RPS6KC1: variants seen among roughly 807,000 people sequenced by gnomAD.
The protein encoded by RPS6KC1 is inactive ribosomal protein S6 kinase delta-1.
RPS6KC1 carries 54 observed loss-of-function variants against 103.8 expected under a neutral mutation model. The ratio of observed to expected loss-of-function variants is 0.52; its 90% confidence interval spans 0.42 to 0.65. The LOEUF (loss-of-function observed/expected upper bound fraction) is 0.65, where lower values mean the gene tolerates loss of function less well. Ranked by LOEUF, RPS6KC1 falls within the 30% of genes least tolerant of loss-of-function variation. RPS6KC1 has a pLI of 0.00. For missense variants in RPS6KC1, 1,151 were observed against 1,253.8 expected (o/e 0.92, Z 1.24); for synonymous variants, 439 against 438.7 (o/e 1.00, Z -0.01).
intron 6 of RPS6KC1, among the ~76,000 whole-genome samples, chr1:213,137,490 C>A (rs1293976525): frequency 1.3e-5 from 2 of 151,572 alleles, no homozygotes; most frequent in East Asian, 1.9e-4. Flanking sequence ...TGTGCCACCA[C>A]GCCTGGCTAA....
intron 2 of RPS6KC1, among the ~76,000 whole-genome samples, chr1:213,075,463 A>G (rs2079248467): frequency 1.3e-5 from 2 of 152,168 alleles, no homozygotes; most frequent in African/African-American, 4.8e-5. Flanking sequence ...ATTACTGCCT[A>G]TCTGCTACTG....
the RPS6KC1 span, among the ~76,000 whole-genome samples, chr1:213,643,080 C>T: frequency 1.3e-4 from 20 of 151,708 alleles, no homozygotes; most frequent in African/African-American, 4.6e-4. Flanking sequence ...GGTTTTCTAA[C>T]CTAATTTAAT....
chr1:213,564,106 C>A, the RPS6KC1 span, among the ~76,000 whole-genome samples: 1 of 151,574 alleles, frequency 6.6e-6, no homozygotes, highest in African/African-American at 2.4e-5. Context: ...AAAGTCTTAA[C>A]TTACCTATAT....
At chr1:213,280,077 G>A in the RPS6KC1 span, among the ~76,000 whole-genome samples, 1 of 152,114 alleles carries the variant, frequency 6.6e-6, no homozygotes, top group Non-Finnish European at 1.5e-5. Context: ...GACATTTTCA[G>A]TGTTTATCAT....
At chr1:213,486,436 G>T in the RPS6KC1 span, among the ~76,000 whole-genome samples, 6 of 151,990 alleles carry the variant, frequency 3.9e-5, no homozygotes, top group African/African-American at 1.5e-4. Context: ...TTACCTAAGG[G>T]ACCAATGAGG....
the RPS6KC1 span, among the ~76,000 whole-genome samples, chr1:213,531,917 C>A: frequency 2.6e-5 from 4 of 152,168 alleles, no homozygotes; most frequent in Non-Finnish European, 4.4e-5. Context: ...GACCAAATCT[C>A]CCTAAGTTCT....
chr1:213,549,087 G>A, the RPS6KC1 span, among the ~76,000 whole-genome samples: 1 of 152,178 alleles, frequency 6.6e-6, no homozygotes, highest in Non-Finnish European at 1.5e-5. Flanking sequence ...CCCAGTGGGA[G>A]TCCCCCAAAG....
the RPS6KC1 span, among the ~76,000 whole-genome samples, chr1:213,573,187 A>G: frequency 6.6e-6 from 1 of 152,192 alleles, no homozygotes; most frequent in Non-Finnish European, 1.5e-5. Flanking sequence ...TCAATAAGAA[A>G]CAGACCTTTC....
At chr1:213,230,749 CG>C (rs1389967040) in intron 9 of RPS6KC1, among the ~76,000 whole-genome samples, 1 of 149,660 alleles carries the variant, frequency 6.7e-6, no homozygotes, top group Non-Finnish European at 1.5e-5. Context: ...GCAGGAGAAT[CG>C]CTTGAACCCA....
chr1:213,259,956 C>T (rs1474916833), intron 12 of RPS6KC1, among the ~76,000 whole-genome samples: 2 of 152,008 alleles, frequency 1.3e-5, no homozygotes, highest in African/African-American at 4.8e-5. Context: ...CCAGGCTGGT[C>T]CTGAACCTCT....
the RPS6KC1 span, among the ~76,000 whole-genome samples, chr1:213,618,656 G>A: frequency 1.3e-5 from 2 of 152,244 alleles, no homozygotes; most frequent in East Asian, 3.9e-4. Flanking sequence ...ATTTCATTTG[G>A]GTTAATATCA....
At chr1:213,419,273 A>G in the RPS6KC1 span, among the ~76,000 whole-genome samples, 1 of 152,206 alleles carries the variant, frequency 6.6e-6, no homozygotes, top group East Asian at 1.9e-4. Context: ...AGTTATCCAC[A>G]TTGTCCGGTT....
chr1:213,389,515 C>T, the RPS6KC1 span, among the ~76,000 whole-genome samples: 9 of 152,294 alleles, frequency 5.9e-5, no homozygotes, highest in Admixed American at 1.3e-4. Context: ...CGTGCACATG[C>T]GTGTGGACAT....
intron 3 of RPS6KC1, among the ~76,000 whole-genome samples, chr1:213,085,707 AG>A (rs201760111): frequency 0.013 from 1,929 of 152,024 alleles, 45 homozygotes; most frequent in African/African-American, 0.044. Flanking sequence ...GTATCTATAG[AG>A]CTGTGTATCT....
intron 1 of RPS6KC1, among the ~76,000 whole-genome samples, chr1:213,057,217 A>C (rs542236430): frequency 6.6e-6 from 1 of 152,272 alleles, no homozygotes; most frequent in African/African-American, 2.4e-5. Context: ...CTGGGATTAC[A>C]GGCGTGAGCC....
chr1:213,639,830 G>T, the RPS6KC1 span, among the ~76,000 whole-genome samples: 2 of 150,202 alleles, frequency 1.3e-5, no homozygotes, highest in African/African-American at 2.4e-5. Flanking sequence ...TTTCATCTCT[G>T]TTCATGAGGA....
chr1:213,307,237 G>A, the RPS6KC1 span, among the ~76,000 whole-genome samples: 4 of 151,904 alleles, frequency 2.6e-5, no homozygotes, highest in Non-Finnish European at 5.9e-5. Context: ...CTAATTTTTT[G>A]TATTTTTAGT....
chr1:213,465,388 G>T, the RPS6KC1 span, among the ~76,000 whole-genome samples: 1 of 152,184 alleles, frequency 6.6e-6, no homozygotes, highest in African/African-American at 2.4e-5. Context: ...ATACCTGGAA[G>T]TAGAATCACT....
At chr1:213,369,515 A>G in the RPS6KC1 span, among the ~76,000 whole-genome samples, 134 of 152,364 alleles carry the variant, frequency 8.8e-4, no homozygotes, top group Admixed American at 1.6e-3. Context: ...CAATTCCACT[A>G]AAGGCTGGTG....
Sources: gnomAD v4.1 joint callset for allele counts (sites outside exome capture counted in the v4.1 genomes callset) on GRCh38, gnomAD v4.1.1 for gene constraint, MANE v1.5 for transcripts, NCBI Gene and HGNC (gene_info 2026-07-23, HGNC 2026-07-21) for gene names.